The following PSG4 variants were observed in gnomAD, a reference collection of about 807,000 sequenced individuals.
PSG4 encodes pregnancy specific beta-1-glycoprotein 4, also known as pregnancy-specific beta-1-glycoprotein 4.
Under a neutral mutation model 44.3 loss-of-function variants are expected in PSG4, and 61 were observed. The observed-to-expected ratio is 1.38, with a 90% CI of 1.12 to 1.70. The LOEUF (loss-of-function observed/expected upper bound fraction) is 1.70. PSG4 is among the 40% of genes most tolerant of loss of function. The pLI is 0.00. For synonymous variants in PSG4, 248 were observed against 191.3 expected (o/e 1.30, Z -2.45); for missense variants, 677 against 511.7 (o/e 1.32, Z -3.12).
rs1048142849 is a variant in PSG4 at position 43,193,069 on chromosome 19, G to A, written c.*303C>T. On this transcript the variant is annotated 3_prime_UTR_variant, in exon 6 of 6. Transcript: ENST00000405312. ...TGCCAAGTGAAAGAGGCAGGCATGA[G>A]CAAGGACGGTTAAGAGGGGTGGGAG... is the stretch of plus-strand genomic sequence containing the variant. The A allele has an allele frequency of 6.7e-6, 4 of 601,318 alleles. No homozygotes were observed. Among genetic ancestry groups the A allele is most frequent in the African/African-American group, 3.7e-5 (2 of 53,786 alleles). The allele number at this position is 601,318 out of a possible 1,614,324, so 37.2% of individuals were successfully genotyped here.
rs774859357 is a variant in PSG4, at chr19:43,198,120, A to G, written c.586T>C (p.Ser196Pro). The G allele has an allele frequency of 6.3e-7, 1 of 1,587,636 alleles. No homozygotes were observed. Among genetic ancestry groups the G allele is most frequent in the Admixed American group, 1.7e-5 (1 of 58,332 alleles). ...SLPMTHRLQL[S>P]KTNRTLFIFG... ...ATAAAGAGGGTCCTGTTGGTTTTGGACAGCTGCAACCTGTGAGTCATAGGG... is the reference window on the plus strand; with the variant it reads ...ATAAAGAGGGTCCTGTTGGTTTTGGGCAGCTGCAACCTGTGAGTCATAGGG... The change falls in exon 3 of 6, where the codon TCC becomes CCC. Residue 196 changes from serine (S) to proline (P), a missense_variant. Coordinates refer to ENST00000405312, the MANE Select transcript of PSG4 (RefSeq NM_002780.5).
In PSG4 at chr19:43,202,899, G is replaced by A. The variant is rs535662389; in HGVS notation, c.430+987C>T. The stretch of plus-strand genomic sequence containing the variant: ...CCTCACTTCTGGTGGAGGAGAGGAA[G>A]GGCCTGTGGCTGCAGACAGACCTCA... On this transcript the variant is annotated intron_variant, in intron 2 of 5. Transcript: ENST00000405312. Among the ~76,000 whole-genome samples, 290 of 144,720 alleles carry A rather than the reference G, an allele frequency of 2.0e-3. 49 individuals carry two copies. The highest frequency in any genetic ancestry group is 7.3e-3 in the African/African-American group (274 of 37,548). 94.9% of individuals were successfully genotyped at this position (144,720 alleles called of 152,430 possible). A position where few individuals can be genotyped will look rare whatever the true frequency, so the allele number is the denominator to read the frequency against.
intron 2 of PSG4, among the ~76,000 whole-genome samples, chr19:43,200,267 A>C (rs1307934644): frequency 6.9e-6 from 1 of 145,066 alleles, no homozygotes; most frequent in African/African-American, 2.7e-5. Context: ...TATGTGGCAC[A>C]GGCAGTAAAA....
Position 43,198,428 on chromosome 19 carries a change from A to C in PSG4, c.431-153T>G, listed in dbSNP as rs1212169135. 1.8e-4 allele frequency among the ~76,000 whole-genome samples: 26 copies of C among 145,770 alleles called. 4 individuals are homozygous for C. The highest frequency in any genetic ancestry group is 4.5e-5 in the Non-Finnish European group (3 of 67,186). ...TGTGTGTTAAAGACAGATGCATGGC[A>C]ATCTGAGAGCTCAGAGATTGTGAGG... is the stretch of plus-strand genomic sequence containing the variant. On this transcript the variant is annotated intron_variant, in intron 2 of 5. Coordinates refer to ENST00000405312, the MANE Select transcript of PSG4 (RefSeq NM_002780.5).
At position 43,194,991 on chromosome 19, in the gene PSG4, T is replaced by A. The variant is rs775660570; in HGVS notation, c.988+4A>T. On this transcript the variant is annotated splice_donor_region_variant and intron_variant, in intron 4 of 5. Transcript: ENST00000405312. ...TGGCCCACAGAGGAACAAAAGATAC[T>A]CACAGAGGACATTCAGGGTGACTGG... 1 of 1,610,550 alleles carries A rather than the reference T, an allele frequency of 6.2e-7. No individual in the cohort carries two copies. The highest frequency in any genetic ancestry group is 2.2e-5 in the East Asian group (1 of 44,858).
Position 43,194,569 on chromosome 19 carries a change from G to C in PSG4, c.1014C>G (p.Tyr338Ter). Reference sequence around the variant, plus strand: ...CTGAACGGTAATAGGTGAATGAAGGGTAAATGCTGGGGAGGTCTGGACCAT... The same window carrying C: ...CTGAACGGTAATAGGTGAATGAAGGCTAAATGCTGGGGAGGTCTGGACCAT... ...VLYGPDLPSI[Y>*]PSFTYYRSGE... Residue 338 changes from tyrosine to a stop codon, truncating the protein, a stop_gained, in exon 5 of 6, where the codon TAC (tyrosine) becomes TAG (stop). Transcript: ENST00000405312. LOFTEE classifies it high-confidence loss of function. 6.2e-7 allele frequency: 1 copy of C among 1,612,104 alleles called. No individual in the cohort carries two copies. Among genetic ancestry groups the C allele is most frequent in the Middle Eastern group, 1.7e-4 (1 of 6,050 alleles).
Position 43,205,482 on chromosome 19 carries a change from G to T in PSG4, c.55C>A (p.Leu19Met), listed in dbSNP as rs111533537. ...CTQRITWKGV[L>M]LTASLLNFWN... is the part of the protein sequence containing the mutation. Reference sequence around the variant, plus strand: ...GAAGTTCTCTCCTCACCTGTGAGCAGGACCCCCTTCCAGGTGATGCGCTGT... The same window carrying T: ...GAAGTTCTCTCCTCACCTGTGAGCATGACCCCCTTCCAGGTGATGCGCTGT... Residue 19 changes from leucine to methionine, a missense_variant, in exon 1 of 6, where the codon CTG becomes ATG. By Grantham distance (15) the Leu-to-Met change is conservative (BLOSUM62 2). Transcript: ENST00000405312. 5 of 1,548,980 alleles carry T rather than the reference G, an allele frequency of 3.2e-6. 2 individuals are homozygous for T. Among genetic ancestry groups the T allele is most frequent in the Non-Finnish European group, 4.4e-6 (5 of 1,144,354 alleles).
At chr19:43,194,215 A>T (rs1185285051) in intron 5 of PSG4, 125 bp downstream of exon 5, 2 of 1,583,018 alleles carry the variant, frequency 1.3e-6, no homozygotes, top group African/African-American at 2.7e-5. Context: ...TCAGGAGTAG[A>T]ATTTGGGATT....
intron 3 of PSG4, chr19:43,197,719 C>A (rs550252779): frequency 1.1e-5 from 7 of 642,900 alleles, no homozygotes; most frequent in Non-Finnish European, 1.2e-5. Context: ...GCCAAATCCC[C>A]GCTGTGTTCA....
chr19:43,197,736 T>C (rs942432088), intron 3 of PSG4: 2 of 784,216 alleles, frequency 2.6e-6, no homozygotes, highest in Non-Finnish European at 3.7e-6. Context: ...TTCACTGATC[T>C]GGAGCCTGAG....
At position 43,198,270 on chromosome 19, in the gene PSG4, T is replaced by C; in HGVS notation, c.436A>G (p.Thr146Ala). The change falls in exon 3 of 6, where the codon ACT becomes GCT. Residue 146 changes from threonine (T) to alanine (A), a missense_variant. Physicochemically the swap from Thr to Ala is moderately conservative, Grantham distance 58. Coordinates refer to ENST00000405312, the MANE Select transcript of PSG4 (RefSeq NM_002780.5). Reference protein sequence around the residue: ...GHFTFTLHLETPKPSISSSNL... With the variant: ...GHFTFTLHLEAPKPSISSSNL... ...CTGCTGGAGATGGAGGGCTTGGGAG[T>C]CTCCACTGTGCAGAAAACAGAGAGA... The C allele has an allele frequency of 1.9e-6, 3 of 1,584,880 alleles. 1 individual carries two copies. Among genetic ancestry groups the C allele is most frequent in the Non-Finnish European group, 8.5e-7 (1 of 1,170,934 alleles).
intron 2 of PSG4, among the ~76,000 whole-genome samples, chr19:43,201,819 T>G (rs1389276429): frequency 5.7e-5 from 8 of 139,336 alleles, no homozygotes; most frequent in African/African-American, 1.4e-4. Context: ...TTCAATAATT[T>G]TGTGTGTGTG....
In PSG4 at chr19:43,194,555, T is replaced by G. The variant is rs1241953199; in HGVS notation, c.1028A>C (p.Tyr343Ser). The change falls in exon 5 of 6, where the codon TAT (tyrosine) becomes TCT (serine). Residue 343 changes from tyrosine (Y) to serine (S), a missense_variant. Tyr to Ser is a moderately radical substitution (Grantham distance 144). Coordinates refer to ENST00000405312, the MANE Select transcript of PSG4 (RefSeq NM_002780.5). ...DLPSIYPSFT[Y>S]YRSGENLYLS... is the part of the protein sequence containing the mutation. The stretch of plus-strand genomic sequence containing the variant: ...GTAGAGGTTTTCTCCTGAACGGTAA[T>G]AGGTGAATGAAGGGTAAATGCTGGG... 2 of 1,612,350 alleles carry G rather than the reference T, an allele frequency of 1.2e-6. No individual in the cohort carries two copies. The highest frequency in any genetic ancestry group is 2.7e-5 in the African/African-American group (2 of 74,676).
chr19:43,205,111 C>CTTT lies in PSG4; in HGVS notation c.64+359_64+361dup, dbSNP rs59165427. On this transcript the variant is annotated intron_variant, in intron 1 of 5. Coordinates refer to ENST00000405312, the MANE Select transcript of PSG4 (RefSeq NM_002780.5). ...TTCTTTTTTCTTTTTTTCCTTTTTT[C>CTTT]TTTTTTTTTTTTTTGAGACGGAGTC... is the stretch of plus-strand genomic sequence containing the variant. Among the ~76,000 whole-genome samples, 4 of 90,852 alleles carry CTTT rather than the reference C, an allele frequency of 4.4e-5. 1 individual carries two copies. Among genetic ancestry groups the CTTT allele is most frequent in the African/African-American group, 1.5e-4 (3 of 19,416 alleles). 59.6% of individuals were successfully genotyped at this position (90,852 alleles called of 152,430 possible).
chr19:43,199,316 G>A (rs185719294), intron 2 of PSG4, among the ~76,000 whole-genome samples: 1 of 145,236 alleles, frequency 6.9e-6, no homozygotes, highest in Non-Finnish European at 1.5e-5. Context: ...GCAGGAGTTG[G>A]GATCAGGGGA....
rs10424846 is a variant in PSG4 at position 43,205,111 on chromosome 19, C to T, written c.64+362G>A. Among the ~76,000 whole-genome samples the T allele has an allele frequency of 2.6e-3, 238 of 90,600 alleles. 1 individual carries two copies. The highest frequency in any genetic ancestry group is 0.014 in the Middle Eastern group (2 of 144). The allele number at this position is 90,600 out of a possible 152,430, so 59.4% of individuals were successfully genotyped here. A position where few individuals can be genotyped will look rare whatever the true frequency, so the allele number is the denominator to read the frequency against. ...TTCTTTTTTCTTTTTTTCCTTTTTTCTTTTTTTTTTTTTTGAGACGGAGTC... is the reference window on the plus strand; with the variant it reads ...TTCTTTTTTCTTTTTTTCCTTTTTTTTTTTTTTTTTTTTTGAGACGGAGTC... On this transcript the variant is annotated intron_variant, in intron 1 of 5. Transcript: ENST00000405312.
At chr19:43,199,945 A>G (rs570742487) in intron 2 of PSG4, among the ~76,000 whole-genome samples, 3 of 145,286 alleles carry the variant, frequency 2.1e-5, no homozygotes, top group Non-Finnish European at 4.5e-5. Context: ...TTAAAAGGAC[A>G]GAACTGGTCA....
chr19:43,195,669 T>A (rs1306814045), intron 3 of PSG4, among the ~76,000 whole-genome samples: 1 of 151,378 alleles, frequency 6.6e-6, no homozygotes, highest in Non-Finnish European at 1.5e-5. Flanking sequence ...CCCCCCTAGA[T>A]GAGATTTCTC....
intron 2 of PSG4, among the ~76,000 whole-genome samples, chr19:43,200,568 C>T (rs1839721635): frequency 9.5e-6 from 1 of 105,634 alleles, no homozygotes; most frequent in Non-Finnish European, 1.8e-5. Context: ...AAGCATTCTT[C>T]ATTTCTCTAA....
Sources: allele counts gnomAD v4.1 joint callset (sites outside exome capture counted in the v4.1 genomes callset), GRCh38; gene constraint gnomAD v4.1.1; transcripts MANE v1.5; gene names NCBI Gene and HGNC (gene_info 2026-07-23, HGNC 2026-07-21).